FNDC3A: variants seen among roughly 807,000 people sequenced by gnomAD.
FNDC3A encodes fibronectin type III domain containing 3A.
A neutral mutation model predicts 148.9 loss-of-function variants in FNDC3A; 32 were observed. That is an observed-to-expected ratio of 0.21 (90% CI 0.16 to 0.29). The LOEUF (loss-of-function observed/expected upper bound fraction) is 0.29. Among genes scored for constraint, FNDC3A ranks in the 10% least tolerant of loss-of-function variants. FNDC3A has a pLI of 1.00. For missense variants in FNDC3A, 1,191 were observed against 1,452.8 expected (o/e 0.82, Z 2.93); for synonymous variants, 472 against 473.6 (o/e 1.00, Z 0.04).
chr13:49,174,961 T>A (rs6561504), intron 12 of FNDC3A, among the ~76,000 whole-genome samples: 1 of 151,966 alleles, frequency 6.6e-6, no homozygotes, highest in Non-Finnish European at 1.5e-5. Context: ...GAGATAGCTC[T>A]GCTCACCTTA....
intron 2 of FNDC3A, among the ~76,000 whole-genome samples, chr13:49,069,343 C>A (rs188302252): frequency 1.7e-3 from 260 of 152,240 alleles, no homozygotes; most frequent in African/African-American, 6.1e-3. Context: ...TCTTCATTGT[C>A]CTTAAAATGG....
At chr13:49,037,552 A>G (rs1415317750) in intron 2 of FNDC3A, among the ~76,000 whole-genome samples, 1 of 152,136 alleles carries the variant, frequency 6.6e-6, no homozygotes, top group African/African-American at 2.4e-5. Flanking sequence ...TTATGGGAGG[A>G]ATTGTCATGT....
chr13:49,059,098 A>T (rs1171377058), intron 2 of FNDC3A, among the ~76,000 whole-genome samples: 1 of 152,346 alleles, frequency 6.6e-6, no homozygotes, highest in South Asian at 2.1e-4. Flanking sequence ...AAGTACCTGT[A>T]GATGATTCCA....
intron 3 of FNDC3A, among the ~76,000 whole-genome samples, chr13:49,075,800 G>GGCCC (rs1878053912): frequency 8.7e-6 from 1 of 115,302 alleles, no homozygotes; most frequent in Non-Finnish European, 1.7e-5. Flanking sequence ...TATCACCACT[G>GGCCC]CCCCCCCCAC....
At chr13:49,088,148 A>T (rs748617971) in intron 3 of FNDC3A, among the ~76,000 whole-genome samples, 1 of 152,170 alleles carries the variant, frequency 6.6e-6, no homozygotes, top group South Asian at 2.1e-4. Context: ...AACCTTTTAT[A>T]TATGAATAAT....
chr13:49,072,713 G>A (rs111878792), intron 2 of FNDC3A, among the ~76,000 whole-genome samples: 94 of 152,014 alleles, frequency 6.2e-4, no homozygotes, highest in Non-Finnish European at 1.1e-3. Flanking sequence ...CAAACTCCTG[G>A]GTTCAAGCAA....
chr13:49,177,128 G>C (rs1416604883), intron 13 of FNDC3A, among the ~76,000 whole-genome samples: 1 of 152,128 alleles, frequency 6.6e-6, no homozygotes, highest in African/African-American at 2.4e-5. Flanking sequence ...TTGATGTGAA[G>C]GGGGTTTTGT....
upstream of FNDC3A, chr13:48,975,528 T>G (rs1272024168): frequency 1.3e-5 from 2 of 152,244 alleles, no homozygotes; most frequent in Non-Finnish European, 2.9e-5. Context: ...AGCCTTAAGT[T>G]CGCGTGCTTT....
intron 3 of FNDC3A, among the ~76,000 whole-genome samples, chr13:49,110,717 C>T (rs1485714372): frequency 2.0e-5 from 3 of 152,082 alleles, no homozygotes; most frequent in African/African-American, 4.8e-5. Context: ...ATGTGTAGCA[C>T]AGCGGCAGCA....
intron 2 of FNDC3A, among the ~76,000 whole-genome samples, chr13:49,009,598 A>G (rs148453661): frequency 6.6e-6 from 1 of 152,226 alleles, no homozygotes; most frequent in African/African-American, 2.4e-5. Context: ...GACTTGAGAT[A>G]TCTTTTCCTG....
intron 14 of FNDC3A, among the ~76,000 whole-genome samples, chr13:49,182,795 CATCTT>C (rs1218061434): frequency 2.0e-5 from 3 of 152,106 alleles, no homozygotes; most frequent in Admixed American, 6.5e-5. Flanking sequence ...TTCTTCCTCT[CATCTT>C]ATCTGGTGTC....
intron 2 of FNDC3A, among the ~76,000 whole-genome samples, chr13:49,012,805 A>ATGTGTGTGTGGGTGTG (rs1952379403): frequency 1.5e-5 from 2 of 134,524 alleles, no homozygotes; most frequent in Non-Finnish European, 3.1e-5. Context: ...GCAATTATAA[A>ATGTGTGTGTGGGTGTG]TGTGTGTGTG....
chr13:49,068,357 C>T (rs867989008), intron 2 of FNDC3A, among the ~76,000 whole-genome samples: 3 of 151,260 alleles, frequency 2.0e-5, no homozygotes, highest in Non-Finnish European at 2.9e-5. Context: ...GAGTGAGACC[C>T]GTCTATAAAA....
intron 3 of FNDC3A, among the ~76,000 whole-genome samples, chr13:49,085,639 A>T (rs2137805044): frequency 6.6e-6 from 1 of 152,334 alleles, no homozygotes; most frequent in East Asian, 1.9e-4. Flanking sequence ...GGCATGAGAT[A>T]TTACACGTAT....
intron 3 of FNDC3A, among the ~76,000 whole-genome samples, chr13:49,084,159 T>C (rs992071595): frequency 4.6e-5 from 7 of 152,322 alleles, no homozygotes; most frequent in Middle Eastern, 3.4e-3. Context: ...CTGAATCTCA[T>C]AGGGGCAGGA....
At chr13:49,189,200 G>A (rs1050615299) in intron 17 of FNDC3A, among the ~76,000 whole-genome samples, 34 of 146,350 alleles carry the variant, frequency 2.3e-4, no homozygotes, top group African/African-American at 7.6e-4. Flanking sequence ...TCACTCTGTC[G>A]CCCAGGCTGG....
intron 23 of FNDC3A, among the ~76,000 whole-genome samples, chr13:49,199,279 A>G (rs1886309206): frequency 6.6e-6 from 1 of 151,176 alleles, no homozygotes; most frequent in East Asian, 1.9e-4. Flanking sequence ...GCTCAGCCTC[A>G]CTGAGTGCTG....
rs1397796904 is a variant in FNDC3A at position 49,207,846 on chromosome 13, CTA to C, written c.*452_*453del. On this transcript the variant is annotated 3_prime_UTR_variant, in exon 26 of 26. Coordinates refer to ENST00000492622, the MANE Select transcript of FNDC3A (RefSeq NM_001079673.2). The stretch of plus-strand genomic sequence containing the variant: ...TAAAGTCTGATGCTGTGAAAGCAAT[CTA>C]GTGCTATATTTCTACCTCCTCATTT... The C allele has an allele frequency of 2.0e-5, 3 of 153,788 alleles. No individual in the cohort carries two copies. The highest frequency in any genetic ancestry group is 6.5e-5 in the Admixed American group (1 of 15,380). The allele number at this position is 153,788 out of a possible 1,614,324, so 9.5% of individuals were successfully genotyped here. A position where few individuals can be genotyped will look rare whatever the true frequency, so the allele number is the denominator to read the frequency against.
intron 23 of FNDC3A, among the ~76,000 whole-genome samples, chr13:49,200,547 A>G (rs1340056268): frequency 6.6e-6 from 1 of 152,014 alleles, no homozygotes; most frequent in African/African-American, 2.4e-5. Context: ...CCTTTCTAGC[A>G]TACATTTGGG....
Sources: allele counts gnomAD v4.1 joint callset (sites outside exome capture counted in the v4.1 genomes callset), GRCh38; gene constraint gnomAD v4.1.1; transcripts MANE v1.5; gene names NCBI Gene and HGNC (gene_info 2026-07-23, HGNC 2026-07-21).